The following TNIK variants were observed in gnomAD, a reference collection of about 807,000 sequenced individuals.
The protein encoded by TNIK is TRAF2 and NCK interacting kinase.
In TNIK, 49 loss-of-function variants were observed where a neutral mutation model predicts 191.3. That is an observed-to-expected ratio of 0.26 (90% confidence interval 0.20 to 0.32). TNIK has a LOEUF of 0.32. Ranked by LOEUF, TNIK falls within the 10% of genes least tolerant of loss-of-function variation. TNIK has a pLI of 1.00. For synonymous variants in TNIK, 594 were observed against 600.9 expected, an observed-to-expected ratio of 0.99 and a Z score of 0.17; for missense variants, 1,155 against 1,702.3, an observed-to-expected ratio of 0.68 and a Z score of 5.66.
At chr3:171,330,788 A>C (rs1756337480) in intron 2 of TNIK, among the ~76,000 whole-genome samples, 1 of 152,168 alleles carries the variant, frequency 6.6e-6, no homozygotes, top group African/African-American at 2.4e-5. Flanking sequence ...CTACCTTTCG[A>C]ATTATGATTG....
chr3:171,206,616 A>G (rs1395700099), intron 4 of TNIK, among the ~76,000 whole-genome samples: 1 of 152,090 alleles, frequency 6.6e-6, no homozygotes, highest in East Asian at 1.9e-4. Flanking sequence ...GGGGGCTTTC[A>G]CAGAACTTCC....
intron 10 of TNIK, among the ~76,000 whole-genome samples, chr3:171,162,984 G>T (rs553546461): frequency 3.9e-4 from 59 of 152,336 alleles, no homozygotes; most frequent in Non-Finnish European, 6.5e-4. Flanking sequence ...GAGAAAAAAT[G>T]AACTGGGCTT....
intron 23 of TNIK, among the ~76,000 whole-genome samples, chr3:171,092,002 T>A (rs1400975105): frequency 6.6e-6 from 1 of 150,866 alleles, no homozygotes; most frequent in African/African-American, 2.4e-5. Context: ...CAGGCTGGAG[T>A]GCAGTGGCAC....
In TNIK at chr3:171,101,615, T is replaced by C. The variant is rs753444668; in HGVS notation, c.2425A>G (p.Lys809Glu). ...TCAATCCGGAGTTCTCTTAGTTCTT[T>C]GGCTAATGCCGTCAGATCCTATGAA... ...AIDEDLTALAKELRELRIEET... is the reference protein window; with the variant it reads ...AIDEDLTALAEELRELRIEET... The change falls in exon 22 of 33, where the codon AAA becomes GAA. Residue 809 changes from lysine (K) to glutamate (E), a missense_variant. Transcript: ENST00000436636. The C allele has an allele frequency of 3.3e-5, 53 of 1,613,020 alleles. No individual in the cohort carries two copies. Among genetic ancestry groups the C allele is most frequent in the Non-Finnish European group, 4.1e-5 (48 of 1,179,386 alleles).
chr3:171,195,886 A>G (rs935535387), intron 4 of TNIK, among the ~76,000 whole-genome samples: 1 of 152,230 alleles, frequency 6.6e-6, no homozygotes, highest in Non-Finnish European at 1.5e-5. Context: ...GTAATAGCCC[A>G]GAAACTATCA....
intron 2 of TNIK, among the ~76,000 whole-genome samples, chr3:171,324,496 T>A (rs1755529060): frequency 6.6e-6 from 1 of 152,102 alleles, no homozygotes; most frequent in Non-Finnish European, 1.5e-5. Context: ...TGAGCCCTGT[T>A]GTATCTGACA....
intron 2 of TNIK, chr3:171,347,085 AAG>A: frequency 6.7e-7 from 1 of 1,488,850 alleles, no homozygotes; most frequent in South Asian, 1.3e-5. Flanking sequence ...CAGAAAACAG[AAG>A]AGAGAAATCA....
At chr3:171,407,186 CGGAA>C (rs1721809156) in intron 1 of TNIK, among the ~76,000 whole-genome samples, 1 of 151,952 alleles carries the variant, frequency 6.6e-6, no homozygotes, top group African/African-American at 2.4e-5. Context: ...AAAGAAATGG[CGGAA>C]GGAAGTAGAA....
intron 4 of TNIK, among the ~76,000 whole-genome samples, chr3:171,201,993 T>A (rs1244616239): frequency 1.3e-5 from 2 of 152,176 alleles, no homozygotes; most frequent in Non-Finnish European, 2.9e-5. Flanking sequence ...GCAAAGACAG[T>A]TTGAATATAC....
chr3:171,082,351 C>T lies in TNIK; in HGVS notation c.3213G>A (p.Leu1071=). 3 of 1,613,868 alleles carry T rather than the reference C, an allele frequency of 1.9e-6. No homozygotes were observed. The highest frequency in any genetic ancestry group is 2.5e-6 in the Non-Finnish European group (3 of 1,179,812). The part of the protein sequence containing the change: ...LVGTENGLML[L]DRSGQGKVYN... ...AGACTTTGCCTTGCCCACTTCGGTCCAAAAGCATCAGGCCATTTTCAGTCC... is the reference window on the plus strand; with the variant it reads ...AGACTTTGCCTTGCCCACTTCGGTCTAAAAGCATCAGGCCATTTTCAGTCC... Residue 1071 remains leucine (L), a synonymous_variant, in exon 27 of 33, where the codon TTG becomes TTA. Transcript: ENST00000436636.
At chr3:171,211,356 G>A in intron 3 of TNIK, 115 bp from the exon 4 acceptor site, 3 of 1,212,702 alleles carry the variant, frequency 2.5e-6, no homozygotes, top group Non-Finnish European at 3.4e-6. Flanking sequence ...TGACAAATGA[G>A]CATAATTATT....
chr3:171,447,094 G>C (rs929061275), intron 1 of TNIK, among the ~76,000 whole-genome samples: 1 of 152,210 alleles, frequency 6.6e-6, no homozygotes, highest in African/African-American at 2.4e-5. Flanking sequence ...AGGAGGCTGA[G>C]GCGGGAGAAT....
intron 12 of TNIK, among the ~76,000 whole-genome samples, chr3:171,144,825 T>G (rs544842274): frequency 6.6e-6 from 1 of 152,206 alleles, no homozygotes; most frequent in Non-Finnish European, 1.5e-5. Context: ...GAGAGTGACA[T>G]CTTAGATTCC....
At position 171,066,677 on chromosome 3, in the gene TNIK, T is replaced by C; in HGVS notation, c.3758A>G (p.Glu1253Gly). Residue 1253 changes from glutamate (E) to glycine (G), a missense_variant, in exon 31 of 33, where the codon GAA becomes GGA. Transcript: ENST00000436636. ...IVILPKTDGMEMLVCYEDEGV... is the reference protein window; with the variant it reads ...IVILPKTDGMGMLVCYEDEGV... ...CTCATCCTCATAGCAAACAAGCATTTCCATTCCATCTGTTTTAGGCAAGAT... is the reference window on the plus strand; with the variant it reads ...CTCATCCTCATAGCAAACAAGCATTCCCATTCCATCTGTTTTAGGCAAGAT... 6.2e-7 allele frequency: 1 copy of C among 1,613,850 alleles called. No homozygotes were observed. Among genetic ancestry groups the C allele is most frequent in the Non-Finnish European group, 8.5e-7 (1 of 1,179,852 alleles).
chr3:171,085,709 C>A (rs916989938), intron 24 of TNIK, among the ~76,000 whole-genome samples: 3 of 152,142 alleles, frequency 2.0e-5, no homozygotes, highest in Non-Finnish European at 2.9e-5. Flanking sequence ...TCTACTCTGG[C>A]CTGGTGATGC....
chr3:171,059,252 A>G lies in TNIK; in HGVS notation c.*4629T>C, dbSNP rs1717620948. Among the ~76,000 whole-genome samples, 1 of 152,218 alleles carries G rather than the reference A, an allele frequency of 6.6e-6. No homozygotes were observed. The highest frequency in any genetic ancestry group is 1.5e-5 in the Non-Finnish European group (1 of 68,022). On this transcript the variant is annotated 3_prime_UTR_variant, in exon 33 of 33. Coordinates refer to ENST00000436636, the MANE Select transcript of TNIK (RefSeq NM_015028.4). The stretch of plus-strand genomic sequence containing the variant: ...TCTACTTTTCATCCAAACATTTGTC[A>G]TCATGGACTCAGAAGAATCCAAGAT...
At chr3:171,451,447 C>T (rs565968726) in intron 1 of TNIK, among the ~76,000 whole-genome samples, 2 of 152,316 alleles carry the variant, frequency 1.3e-5, no homozygotes, top group African/African-American at 4.8e-5. Context: ...TAAAACCACC[C>T]AGGTAAGCCA....
chr3:171,209,306 T>C (rs1370745220), intron 4 of TNIK, among the ~76,000 whole-genome samples: 1 of 152,180 alleles, frequency 6.6e-6, no homozygotes, highest in Non-Finnish European at 1.5e-5. Flanking sequence ...CTTTTTTGGT[T>C]GTAACCATTT....
intron 1 of TNIK, among the ~76,000 whole-genome samples, chr3:171,417,998 A>T (rs1723304821): frequency 6.6e-6 from 1 of 152,158 alleles, no homozygotes; most frequent in Non-Finnish European, 1.5e-5. Flanking sequence ...CTGAGAGAAA[A>T]AGAGATTACA....
Sources: allele counts gnomAD v4.1 joint callset (sites outside exome capture counted in the v4.1 genomes callset), GRCh38; gene constraint gnomAD v4.1.1; transcripts MANE v1.5; gene names NCBI Gene and HGNC (gene_info 2026-07-23, HGNC 2026-07-21).